Variants in DDX23 observed in about 807,000 individuals in gnomAD.
The protein encoded by DDX23 is DEAD-box helicase 23.
In DDX23, 33 loss-of-function variants were observed where a neutral mutation model predicts 102.7. The observed-to-expected ratio is 0.32, with a 90% confidence interval of 0.24 to 0.43. DDX23 has a LOEUF of 0.43. Ranked by LOEUF, DDX23 falls within the 20% of genes least tolerant of loss-of-function variation. The pLI, the probability that DDX23 is intolerant of heterozygous loss-of-function variation, is 1.00. For synonymous variants in DDX23, 352 were observed against 376.0 expected (o/e 0.94, Z 0.74); for missense variants, 549 against 1,086.6 (o/e 0.51, Z 6.96).
At chr12:48,843,059 T>C (rs1371371516) in intron 3 of DDX23, among the ~76,000 whole-genome samples, 12 of 149,504 alleles carry the variant, frequency 8.0e-5, no homozygotes, top group South Asian at 6.4e-4. Flanking sequence ...GGATTAAGGG[T>C]GGTGCAAGAT....
chr12:48,831,566 G>C (rs547150115), intron 15 of DDX23, among the ~76,000 whole-genome samples: 14 of 152,278 alleles, frequency 9.2e-5, no homozygotes, highest in African/African-American at 2.6e-4. Flanking sequence ...CTGGGAGAGC[G>C]GTGGAGCCAG....
At chr12:48,834,587 GC>G in intron 11 of DDX23, 90 bp from the exon 12 acceptor site, 1 of 1,247,914 alleles carries the variant, frequency 8.0e-7, no homozygotes, top group Non-Finnish European at 1.1e-6. Flanking sequence ...CTTACGGGGA[GC>G]AATGGGAATG....
chr12:48,834,627 A>G, intron 11 of DDX23, 130 bp from the exon 12 acceptor site: 1 of 879,258 alleles, frequency 1.1e-6, no homozygotes, highest in East Asian at 2.6e-5. Context: ...GAATGCAATG[A>G]TCTCACTTAA....
In DDX23 at chr12:48,836,183, G is replaced by A. The variant is rs768832955; in HGVS notation, c.1320C>T (p.Gly440=). The change falls in exon 11 of 17, where the codon GGC becomes GGT. Residue 440 remains glycine, a synonymous_variant. Coordinates refer to ENST00000308025, the MANE Select transcript of DDX23 (RefSeq NM_004818.3). This position sits in a 1 kb window ranked among gnomAD's most constrained non-coding sequence, Gnocchi z 6.1. ...DIIGVAETGS[G]KTAAFLIPLL... is the part of the protein sequence containing the mutation. Reference sequence around the variant, plus strand: ...GAGGGATGAGGAAGGCTGCTGTCTTGCCACTGCCAGTCTCAGCCACACCAA... The same window carrying A: ...GAGGGATGAGGAAGGCTGCTGTCTTACCACTGCCAGTCTCAGCCACACCAA... The A allele has an allele frequency of 6.2e-7, 1 of 1,613,890 alleles. No homozygotes were observed. The highest frequency in any genetic ancestry group is 1.1e-5 in the South Asian group (1 of 91,068).
rs140160496 is a variant in DDX23, at chr12:48,834,398, C to T, written c.1482G>A (p.Pro494=). The part of the protein sequence containing the change: ...IEEETIKFGK[P]LGIRTVAVIG... Reference sequence around the variant, plus strand: ...TGACAGCCACAGTGCGGATACCTAGCGGTTTCCCAAACTTGATGGTCTCTT... The same window carrying T: ...TGACAGCCACAGTGCGGATACCTAGTGGTTTCCCAAACTTGATGGTCTCTT... Residue 494 remains proline (P), a synonymous_variant, in exon 12 of 17, where the codon CCG becomes CCA. Transcript: ENST00000308025. The T allele has an allele frequency of 3.7e-6, 6 of 1,614,124 alleles. No homozygotes were observed. Among genetic ancestry groups the T allele is most frequent in the South Asian group, 2.2e-5 (2 of 91,064 alleles).
chr12:48,834,018 G>T (rs987471757), intron 12 of DDX23, among the ~76,000 whole-genome samples: 1 of 152,192 alleles, frequency 6.6e-6, no homozygotes, highest in African/African-American at 2.4e-5. Flanking sequence ...CTATGGATAT[G>T]AGTCTCAGCT....
chr12:48,849,364 A>C (rs1195554760), intron 1 of DDX23, among the ~76,000 whole-genome samples: 1 of 152,010 alleles, frequency 6.6e-6, no homozygotes. Context: ...ATTTATAAAC[A>C]GTTAAAAATC....
intron 2 of DDX23, among the ~76,000 whole-genome samples, chr12:48,845,044 C>T (rs912448400): frequency 1.3e-5 from 2 of 150,364 alleles, no homozygotes; most frequent in Non-Finnish European, 3.0e-5. Context: ...CCCAGCTATT[C>T]GGGAGGCTGA....
At chr12:48,842,792 A>C (rs1160769282) in intron 3 of DDX23, among the ~76,000 whole-genome samples, 2 of 152,126 alleles carry the variant, frequency 1.3e-5, no homozygotes, top group Non-Finnish European at 2.9e-5. Flanking sequence ...CCCGTCTGGG[A>C]GGTGTACTCA....
chr12:48,839,187 G>A (rs528079737), intron 5 of DDX23, among the ~76,000 whole-genome samples: 28 of 152,002 alleles, frequency 1.8e-4, no homozygotes, highest in African/African-American at 6.5e-4. Flanking sequence ...AAATTCCTAT[G>A]TGGAAGCCCT....
Position 48,845,623 on chromosome 12 carries a change from G to T in DDX23, c.160C>A (p.Arg54=), listed in dbSNP as rs1938653683. 1 of 1,614,094 alleles carries T rather than the reference G, an allele frequency of 6.2e-7. No homozygotes were observed. The highest frequency in any genetic ancestry group is 8.5e-7 in the Non-Finnish European group (1 of 1,180,040). ...RKRHRSRDRR[R]GGSRSRSRSR... ...CGAGAGCGAGAACGGCTGCCTCCTC[G>T]ACGTCTATCCCTTGAACGATGCCGC... Residue 54 remains arginine (R), a synonymous_variant, in exon 2 of 17, where the codon CGA becomes AGA. Coordinates refer to ENST00000308025, the MANE Select transcript of DDX23 (RefSeq NM_004818.3).
Position 48,830,181 on chromosome 12 carries a change from T to G in DDX23, c.*288A>C. ...GAGCAATGCCAACTGGCTGCCCCCA[T>G]AGCCTGGCATGAGCTGATGGCCCAG... On this transcript the variant is annotated 3_prime_UTR_variant, in exon 17 of 17. Coordinates refer to ENST00000308025, the MANE Select transcript of DDX23 (RefSeq NM_004818.3). The surrounding 1 kb of genome is among the most constrained non-coding windows in gnomAD (Gnocchi z 4.9). 1 of 564,172 alleles carries G rather than the reference T, an allele frequency of 1.8e-6. No homozygotes were observed. The highest frequency in any genetic ancestry group is 3.4e-6 in the Non-Finnish European group (1 of 296,626). 34.9% of individuals were successfully genotyped at this position (564,172 alleles called of 1,614,324 possible).
In DDX23 at chr12:48,844,030, C is replaced by CGTTCTT; in HGVS notation, c.224_229dup (p.Glu76_Arg77insGlnGlu). The CGTTCTT allele has an allele frequency of 6.2e-7, 1 of 1,614,102 alleles. No homozygotes were observed. The highest frequency in any genetic ancestry group is 8.5e-7 in the Non-Finnish European group (1 of 1,179,996). ...CCGATCCCGCTCCTTATCTCGTTCT[C>CGTTCTT]GTTCTTTGTGCCGTCGTTCTCTGGA... is the stretch of plus-strand genomic sequence containing the variant. On this transcript the variant is annotated inframe_insertion, in exon 3 of 17. Coordinates refer to ENST00000308025, the MANE Select transcript of DDX23 (RefSeq NM_004818.3).
intron 15 of DDX23, among the ~76,000 whole-genome samples, 183 bp from the exon 16 acceptor site, chr12:48,831,499 G>A (rs1222049729): frequency 6.6e-6 from 1 of 152,182 alleles, no homozygotes; most frequent in Non-Finnish European, 1.5e-5. Context: ...AGAGAGGGAT[G>A]AGAGAAAAAG....
intron 8 of DDX23, 50 bp from the exon 9 acceptor site, chr12:48,837,087 T>C (rs371821115): frequency 5.0e-5 from 81 of 1,610,378 alleles, no homozygotes; most frequent in Non-Finnish European, 6.3e-5. Context: ...TTAACGGCAG[T>C]AGGAAGGAAG....
In DDX23 at chr12:48,830,131, C is replaced by T. The variant is rs775722681; in HGVS notation, c.*338G>A. 20 of 478,734 alleles carry T rather than the reference C, an allele frequency of 4.2e-5. No individual in the cohort carries two copies. The highest frequency in any genetic ancestry group is 2.6e-4 in the South Asian group (16 of 61,164). 29.7% of individuals were successfully genotyped at this position (478,734 alleles called of 1,614,324 possible). A position where few individuals can be genotyped will look rare whatever the true frequency, so the allele number is the denominator to read the frequency against. On this transcript the variant is annotated 3_prime_UTR_variant, in exon 17 of 17. Coordinates refer to ENST00000308025, the MANE Select transcript of DDX23 (RefSeq NM_004818.3). This position sits in a 1 kb window ranked among gnomAD's most constrained non-coding sequence, Gnocchi z 4.9. ...CTGTGCCAAAGGAGGTCCCATCCGG[C>T]GGCCAGGTTTCTGTTCAGTCTGGGG...
At chr12:48,845,522 A>C in intron 2 of DDX23, 52 bp downstream of exon 2, 6 of 1,597,350 alleles carry the variant, frequency 3.8e-6, no homozygotes, top group Non-Finnish European at 5.1e-6. Flanking sequence ...AGAAGGAAGA[A>C]ATCTGAAACG....
intron 3 of DDX23, among the ~76,000 whole-genome samples, chr12:48,842,499 G>C (rs1485907230): frequency 2.1e-5 from 3 of 141,052 alleles, no homozygotes; most frequent in Admixed American, 6.8e-5. Flanking sequence ...GAGGAAGGTG[G>C]GGGGGTCAGC....
In DDX23 at chr12:48,836,849, A is replaced by G. The variant is rs1938473310; in HGVS notation, c.1010+45T>C. On this transcript the variant is annotated intron_variant, in intron 9 of 16. Transcript: ENST00000308025. The surrounding 1 kb of genome is among the most constrained non-coding windows in gnomAD (Gnocchi z 6.1). ...TCAGTGCCCTCCAACTCCTTTCTGTAGAGCCTCTGGGCTCTGTCCAGCCAC... is the reference window on the plus strand; with the variant it reads ...TCAGTGCCCTCCAACTCCTTTCTGTGGAGCCTCTGGGCTCTGTCCAGCCAC... 1.9e-6 allele frequency: 3 copies of G among 1,613,472 alleles called. No homozygotes were observed. Among genetic ancestry groups the G allele is most frequent in the Non-Finnish European group, 2.5e-6 (3 of 1,179,568 alleles).
Sources: allele counts gnomAD v4.1 joint callset (sites outside exome capture counted in the v4.1 genomes callset), GRCh38; gene constraint gnomAD v4.1.1; non-coding constraint Gnocchi (gnomAD v3.1); transcripts MANE v1.5; gene names NCBI Gene and HGNC (gene_info 2026-07-23, HGNC 2026-07-21).